The following FBXO11 variants were observed in gnomAD, a reference collection of about 807,000 sequenced individuals.
FBXO11 encodes F-box only protein 11.
FBXO11 carries 13 observed loss-of-function variants against 117.0 expected under a neutral mutation model. That is an observed-to-expected ratio of 0.11 (90% CI 0.07 to 0.18). The LOEUF is 0.18. Ranked by LOEUF, FBXO11 falls within the 10% of genes least tolerant of loss-of-function variation. FBXO11 has a pLI of 1.00. For synonymous variants in FBXO11, 490 were observed against 380.5 expected, an observed-to-expected ratio of 1.29 and a Z score of -3.35; for missense variants, 767 against 1,164.4, an observed-to-expected ratio of 0.66 and a Z score of 4.97.
At chr2:47,895,651 T>C (rs1272119733) in intron 1 of FBXO11, among the ~76,000 whole-genome samples, 3 of 152,216 alleles carry the variant, frequency 2.0e-5, no homozygotes, top group Non-Finnish European at 4.4e-5. Flanking sequence ...AATTACAAGA[T>C]TAGCAGAAAT....
intron 1 of FBXO11, among the ~76,000 whole-genome samples, chr2:47,869,845 G>A (rs1479247558): frequency 6.6e-6 from 1 of 152,128 alleles, no homozygotes; most frequent in South Asian, 2.1e-4. Flanking sequence ...CTGGCTAATT[G>A]TTTTATTTTT....
rs556781752 is a variant in FBXO11 at position 47,849,211 on chromosome 2, T to C, written c.233-9442A>G. ...AAATTTAAATACTTATAAAGTTACA[T>C]GGTTTACTTAAAATTTAAATATTTT... On this transcript the variant is annotated intron_variant, in intron 1 of 22. Coordinates refer to ENST00000403359, the MANE Select transcript of FBXO11 (RefSeq NM_001190274.2). Among the ~76,000 whole-genome samples, 4 of 152,346 alleles carry C rather than the reference T, an allele frequency of 2.6e-5. No individual in the cohort carries two copies. The South Asian group carries it at 8.3e-4, about 32-fold the overall frequency.
chr2:47,888,265 C>T (rs577486702), intron 1 of FBXO11, among the ~76,000 whole-genome samples: 4 of 152,240 alleles, frequency 2.6e-5, no homozygotes, highest in Admixed American at 2.0e-4. Flanking sequence ...GAACAGGTAA[C>T]ATTATCATTA....
chr2:47,875,498 C>CT (rs59848527), intron 1 of FBXO11, among the ~76,000 whole-genome samples: 82 of 145,536 alleles, frequency 5.6e-4, no homozygotes, highest in East Asian at 2.2e-3. Flanking sequence ...CTTTTTTTGT[C>CT]TTTTTTTTTT....
intron 11 of FBXO11, among the ~76,000 whole-genome samples, chr2:47,827,169 A>T (rs1053636079): frequency 6.6e-6 from 1 of 152,270 alleles, no homozygotes; most frequent in South Asian, 2.1e-4. Flanking sequence ...TTAAAATGAG[A>T]AGCCTCTACA....
At chr2:47,905,431 G>A in intron 1 of FBXO11, 58 bp downstream of exon 1, 2 of 1,173,130 alleles carry the variant, frequency 1.7e-6, no homozygotes, top group Non-Finnish European at 2.1e-6. Flanking sequence ...CGCCCGCCCC[G>A]GCCTCCCTTC....
intron 1 of FBXO11, among the ~76,000 whole-genome samples, chr2:47,843,655 GTT>G (rs1348031996): frequency 6.6e-6 from 1 of 151,878 alleles, no homozygotes; most frequent in Non-Finnish European, 1.5e-5. Flanking sequence ...TTCTGTTTTG[GTT>G]TGTGTCAGTC....
chr2:47,905,472 A>C lies in FBXO11; in HGVS notation c.232+17T>G. On this transcript the variant is annotated intron_variant, in intron 1 of 22. Coordinates refer to ENST00000403359, the MANE Select transcript of FBXO11 (RefSeq NM_001190274.2). ...GTGCCCGGGAAGGCGGGCGGTTGGG[A>C]GGTAGCGCGGCCTTACCCCGCTCGC... 1.6e-6 allele frequency: 2 copies of C among 1,221,434 alleles called. No individual in the cohort carries two copies. The highest frequency in any genetic ancestry group is 1.0e-6 in the Non-Finnish European group (1 of 981,810). 75.7% of individuals were successfully genotyped at this position (1,221,434 alleles called of 1,614,324 possible).
At chr2:47,901,054 C>CAT (rs771475927) in intron 1 of FBXO11, among the ~76,000 whole-genome samples, 1 of 109,786 alleles carries the variant, frequency 9.1e-6, no homozygotes, top group Non-Finnish European at 2.1e-5. Context: ...CATATATACA[C>CAT]ATATATATGT....
chr2:47,895,162 C>T (rs1677562002), intron 1 of FBXO11, among the ~76,000 whole-genome samples: 4 of 151,962 alleles, frequency 2.6e-5, no homozygotes, highest in Non-Finnish European at 5.9e-5. Flanking sequence ...TGTAAGAATG[C>T]TCACATATGC....
intron 4 of FBXO11, chr2:47,836,902 T>A (rs1025852630): frequency 2.7e-6 from 1 of 370,738 alleles, no homozygotes; most frequent in African/African-American, 2.2e-5. Flanking sequence ...TCTTGTCTTA[T>A]TTTTTGATTT....
At chr2:47,811,342 A>C (rs779783190) in intron 18 of FBXO11, 1 of 152,220 alleles carries the variant, frequency 6.6e-6, no homozygotes, top group Non-Finnish European at 1.5e-5. Context: ...CTCCTGCTTC[A>C]GCCTCCCAAG....
intron 17 of FBXO11, 48 bp from the exon 18 acceptor site, chr2:47,813,425 A>ATCTTTTTTTT (rs1670763822): frequency 3.1e-6 from 1 of 327,432 alleles, no homozygotes; most frequent in East Asian, 1.3e-4. Context: ...TTTCTTTTTA[A>ATCTTTTTTTT]TTTTTTTTTT....
intron 1 of FBXO11, among the ~76,000 whole-genome samples, chr2:47,884,587 G>C (rs1306492872): frequency 6.6e-6 from 1 of 152,180 alleles, no homozygotes; most frequent in African/African-American, 2.4e-5. Context: ...CATTCGGAAA[G>C]TATGATTATT....
Position 47,807,293 on chromosome 2 carries a change from T to C in FBXO11, c.*825A>G, listed in dbSNP as rs148353208. ...GACTTTCTAAAGTGTACTTAAAACA[T>C]AGTAGTTTTTTACCTTTCACAAAAC... On this transcript the variant is annotated 3_prime_UTR_variant, in exon 23 of 23. Coordinates refer to ENST00000403359, the MANE Select transcript of FBXO11 (RefSeq NM_001190274.2). 27 of 217,722 alleles carry C rather than the reference T, an allele frequency of 1.2e-4. No individual in the cohort carries two copies. The highest frequency in any genetic ancestry group is 5.0e-4 in the African/African-American group (22 of 44,444). 13.5% of individuals were successfully genotyped at this position (217,722 alleles called of 1,614,324 possible). A position where few individuals can be genotyped will look rare whatever the true frequency, so the allele number is the denominator to read the frequency against.
chr2:47,872,938 A>C (rs552488472), intron 1 of FBXO11, among the ~76,000 whole-genome samples: 11 of 152,270 alleles, frequency 7.2e-5, no homozygotes, highest in African/African-American at 2.6e-4. Context: ...TTAATACAGT[A>C]AATATTGATA....
At chr2:47,820,563 C>G in intron 13 of FBXO11, 107 bp from the exon 14 acceptor site, 2 of 755,444 alleles carry the variant, frequency 2.6e-6, no homozygotes, top group South Asian at 1.8e-5. Context: ...ATTTTAGTGA[C>G]CATTACAAGA....
chr2:47,855,162 T>A (rs996467367), intron 1 of FBXO11, among the ~76,000 whole-genome samples: 6 of 152,082 alleles, frequency 3.9e-5, no homozygotes, highest in East Asian at 1.9e-4. Flanking sequence ...ATGTTTAAAA[T>A]TAAAAATTTG....
At chr2:47,893,274 G>A (rs1018496646) in intron 1 of FBXO11, among the ~76,000 whole-genome samples, 1 of 152,102 alleles carries the variant, frequency 6.6e-6, no homozygotes, top group Non-Finnish European at 1.5e-5. Context: ...ATACTCTGCT[G>A]GTCTTGCAAA....
Sources: gnomAD v4.1 joint callset for allele counts (sites outside exome capture counted in the v4.1 genomes callset) on GRCh38, gnomAD v4.1.1 for gene constraint, MANE v1.5 for transcripts, NCBI Gene and HGNC (gene_info 2026-07-23, HGNC 2026-07-21) for gene names.